Variants in OSBPL10 observed in about 807,000 individuals in gnomAD.
OSBPL10 encodes the protein oxysterol binding protein like 10, also known as oxysterol-binding protein-related protein 10.
In OSBPL10, 49 loss-of-function variants were observed where a neutral mutation model predicts 81.7. The observed-to-expected ratio is 0.60, with a 90% CI of 0.48 to 0.76. The LOEUF (loss-of-function observed/expected upper bound fraction) is 0.76, where lower values mean the gene tolerates loss of function less well. Among genes scored for constraint, OSBPL10 ranks in the 30% least tolerant of loss-of-function variants. The probability of loss-of-function intolerance (pLI) is 0.00; values close to 1 mark genes in which losing one functional copy is unlikely to be tolerated. For synonymous variants in OSBPL10, 419 were observed against 383.6 expected (o/e 1.09, Z -1.08); for missense variants, 923 against 987.8 (o/e 0.93, Z 0.88).
intron 2 of OSBPL10, among the ~76,000 whole-genome samples, chr3:31,877,065 G>A (rs1374833069): frequency 1.3e-5 from 2 of 152,114 alleles, no homozygotes; most frequent in Admixed American, 6.5e-5. Context: ...TACCATGCCC[G>A]GCTATTTTTT....
intron 4 of OSBPL10, among the ~76,000 whole-genome samples, chr3:31,812,253 A>G (rs2125479614): frequency 6.6e-6 from 1 of 152,170 alleles, no homozygotes; most frequent in South Asian, 2.1e-4. Context: ...GCTGGTCTCA[A>G]ACTCCTGACC....
intron 4 of OSBPL10, among the ~76,000 whole-genome samples, chr3:31,823,733 A>G (rs1240487434): frequency 6.6e-6 from 1 of 152,174 alleles, no homozygotes; most frequent in African/African-American, 2.4e-5. Context: ...TTTTGTACGA[A>G]GTCTTTGGAA....
At chr3:31,701,609 T>C (rs1695898611) in intron 7 of OSBPL10, 1 of 152,112 alleles carries the variant, frequency 6.6e-6, no homozygotes, top group Admixed American at 6.5e-5. Flanking sequence ...AGGCTCTTTC[T>C]ACCACCTGAC....
At chr3:32,021,939 T>C (rs2880340) in intron 2 of OSBPL10, among the ~76,000 whole-genome samples, 148,630 of 151,494 alleles carry the variant, frequency 0.98, 72,912 homozygotes, top group East Asian at 1. Flanking sequence ...ATGGTCGTGC[T>C]ACTGCACTCC....
At chr3:31,765,802 C>T (rs1009041483) in intron 4 of OSBPL10, among the ~76,000 whole-genome samples, 4 of 152,066 alleles carry the variant, frequency 2.6e-5, no homozygotes, top group African/African-American at 9.7e-5. Flanking sequence ...GACAAGGTTT[C>T]ATATTTTCCT....
At chr3:31,679,722 C>T (rs997582185) in intron 8 of OSBPL10, among the ~76,000 whole-genome samples, 4 of 152,018 alleles carry the variant, frequency 2.6e-5, no homozygotes, top group African/African-American at 9.7e-5. Context: ...CTCCTGAATA[C>T]CAATTTTTGT....
chr3:32,043,807 T>C (rs9849391), intron 2 of OSBPL10, among the ~76,000 whole-genome samples: 6,680 of 152,206 alleles, frequency 0.044, 412 homozygotes, highest in African/African-American at 0.13. Context: ...TGAATTAATG[T>C]AGGAACAGAA....
intron 4 of OSBPL10, among the ~76,000 whole-genome samples, chr3:31,824,611 T>A (rs1317661886): frequency 6.6e-6 from 1 of 152,146 alleles, no homozygotes; most frequent in Non-Finnish European, 1.5e-5. Flanking sequence ...AGGTTCTCCA[T>A]CGAAAGACCC....
At chr3:31,773,642 A>G (rs1286619392) in intron 4 of OSBPL10, among the ~76,000 whole-genome samples, 1 of 152,004 alleles carries the variant, frequency 6.6e-6, no homozygotes, top group Non-Finnish European at 1.5e-5. Flanking sequence ...CATCCCCTGT[A>G]TTTTCTGCAA....
intron 7 of OSBPL10, among the ~76,000 whole-genome samples, chr3:31,697,081 T>C (rs1161017672): frequency 6.6e-6 from 1 of 152,200 alleles, no homozygotes; most frequent in Non-Finnish European, 1.5e-5. Flanking sequence ...CCTGAATCTG[T>C]GACTTACTTT....
At position 32,073,872 on chromosome 3, in the gene OSBPL10, C is replaced by A. The variant is rs1227111884; in HGVS notation, n.185+3524G>T. 2.0e-5 allele frequency among the ~76,000 whole-genome samples: 3 copies of A among 152,266 alleles called. No individual in the cohort carries two copies. The East Asian group carries it at 5.8e-4, about 29-fold the overall frequency. ...TCTTGGAGTGGATAGATGATCTTTT[C>A]TGACAGGGCACCCTCCAATACTTCC... On this transcript the variant is annotated intron_variant and non_coding_transcript_variant, in intron 1 of 3. Coordinates refer to the OSBPL10 transcript ENST00000479173.
At chr3:31,765,501 TG>T (rs1399025897) in intron 4 of OSBPL10, among the ~76,000 whole-genome samples, 24 of 16,430 alleles carry the variant, frequency 1.5e-3, no homozygotes, top group African/African-American at 2.3e-3. Context: ...AGTGAGTGAA[TG>T]AATGAATGAA....
In OSBPL10 at chr3:31,661,846, G is replaced by A. The variant is rs1008731158; in HGVS notation, c.*226C>T. 3 of 513,990 alleles carry A rather than the reference G, an allele frequency of 5.8e-6. No individual in the cohort carries two copies. Among genetic ancestry groups the A allele is most frequent in the South Asian group, 3.2e-5 (1 of 30,854 alleles). 31.8% of individuals were successfully genotyped at this position (513,990 alleles called of 1,614,324 possible). On this transcript the variant is annotated 3_prime_UTR_variant, in exon 12 of 12. Transcript: ENST00000396556. The stretch of plus-strand genomic sequence containing the variant: ...GTTTACATAGTGCATGTGTGTGAAC[G>A]TATACGGTGTGTACACACACGTGCC...
intron 2 of OSBPL10, among the ~76,000 whole-genome samples, chr3:32,022,281 C>T (rs1334461925): frequency 1.3e-5 from 2 of 152,144 alleles, no homozygotes; most frequent in Non-Finnish European, 2.9e-5. Context: ...GAAAGTGAGG[C>T]ATGTATTGCA....
chr3:31,829,986 T>TCA, intron 4 of OSBPL10, 54 bp downstream of exon 4: 3 of 1,517,170 alleles, frequency 2.0e-6, no homozygotes, highest in Non-Finnish European at 2.7e-6. Flanking sequence ...AGAGCGACTG[T>TCA]CACAGCCCCC....
intron 4 of OSBPL10, among the ~76,000 whole-genome samples, chr3:31,818,089 C>G (rs1353867541): frequency 6.6e-6 from 1 of 152,070 alleles, no homozygotes; most frequent in Non-Finnish European, 1.5e-5. Context: ...CTGAGTGACA[C>G]AGGGAGACCT....
intron 4 of OSBPL10, among the ~76,000 whole-genome samples, chr3:31,786,199 T>C (rs1261793665): frequency 6.6e-6 from 1 of 152,212 alleles, no homozygotes; most frequent in African/African-American, 2.4e-5. Flanking sequence ...AACGGGGAAA[T>C]TGGTCTCTCA....
At chr3:31,770,799 G>A (rs886321608) in intron 4 of OSBPL10, among the ~76,000 whole-genome samples, 3 of 152,010 alleles carry the variant, frequency 2.0e-5, no homozygotes, top group Admixed American at 6.6e-5. Context: ...AAAAAAAGAA[G>A]GGAACTAGTT....
intron 1 of OSBPL10, among the ~76,000 whole-genome samples, chr3:32,060,439 C>T (rs1699747065): frequency 6.6e-6 from 1 of 152,164 alleles, no homozygotes; most frequent in South Asian, 2.1e-4. Context: ...CTTTCTTAAC[C>T]CTGCTTAAAT....
Sources: gnomAD v4.1 joint callset for allele counts (sites outside exome capture counted in the v4.1 genomes callset) on GRCh38, gnomAD v4.1.1 for gene constraint, MANE v1.5 for transcripts, NCBI Gene and HGNC (gene_info 2026-07-23, HGNC 2026-07-21) for gene names.